NPTXR: variants seen among roughly 807,000 people sequenced by gnomAD.
NPTXR encodes neuronal pentraxin receptor.
In NPTXR, 12 loss-of-function variants were observed where a neutral mutation model predicts 32.2. The ratio of observed to expected loss-of-function variants is 0.37; its 90% CI spans 0.24 to 0.60. The LOEUF (loss-of-function observed/expected upper bound fraction) is 0.60, where lower values mean the gene tolerates loss of function less well. Among genes scored for constraint, NPTXR ranks in the 20% least tolerant of loss-of-function variants. The probability of loss-of-function intolerance (pLI) is 0.66; values close to 1 mark genes in which losing one functional copy is unlikely to be tolerated. For synonymous variants in NPTXR, 323 were observed against 315.8 expected (o/e 1.02, Z -0.24); for missense variants, 612 against 682.9 (o/e 0.90, Z 1.16).
In NPTXR at chr22:38,822,588, G is replaced by A. The variant is rs1420392256; in HGVS notation, c.*21C>T. On this transcript the variant is annotated 3_prime_UTR_variant, in exon 5 of 5. Transcript: ENST00000333039. ...TCCCCAAAGTGGCAGGCAAGGGAGGGGCCCTGGATGAGGTGGCCCCTCATG... is the reference window on the plus strand; with the variant it reads ...TCCCCAAAGTGGCAGGCAAGGGAGGAGCCCTGGATGAGGTGGCCCCTCATG... 1 of 1,578,954 alleles carries A rather than the reference G, an allele frequency of 6.3e-7. No homozygotes were observed. The highest frequency in any genetic ancestry group is 1.3e-5 in the African/African-American group (1 of 74,196).
At position 38,824,258 on chromosome 22, in the gene NPTXR, G is replaced by A. The variant is rs916582306; in HGVS notation, c.1099-996C>T. On this transcript the variant is annotated intron_variant, in intron 3 of 4. Transcript: ENST00000333039. ...TCCACCCACCTCAGCCTCTCAGAGT[G>A]CTGGGATTACAGGCAAGAGCCACCT... Among the ~76,000 whole-genome samples, 8 of 151,778 alleles carry A rather than the reference G, an allele frequency of 5.3e-5. No homozygotes were observed. In the East Asian group the frequency reaches 9.6e-4, roughly 18 times the overall value.
chr22:38,843,210 T>C lies in NPTXR; in HGVS notation c.624+25A>G. ...CGGCCCCTCACACCACCCGGGCGGC[T>C]CCCCCGACGGCGCGCGGCGCTCACC... On this transcript the variant is annotated intron_variant, in intron 1 of 4. Transcript: ENST00000333039. The surrounding 1 kb of genome is among the most constrained non-coding windows in gnomAD (Gnocchi z 5.3). 7.7e-7 allele frequency: 1 copy of C among 1,298,156 alleles called. No individual in the cohort carries two copies. The highest frequency in any genetic ancestry group is 9.7e-7 in the Non-Finnish European group (1 of 1,028,440). 80.4% of individuals were successfully genotyped at this position (1,298,156 alleles called of 1,614,324 possible). A position where few individuals can be genotyped will look rare whatever the true frequency, so the allele number is the denominator to read the frequency against.
At chr22:38,836,150 G>A (rs1180495769) in intron 1 of NPTXR, among the ~76,000 whole-genome samples, 2 of 152,088 alleles carry the variant, frequency 1.3e-5, no homozygotes, top group African/African-American at 4.8e-5. Context: ...TACCGAGTTT[G>A]GCGAGGTTTA....
rs1337018769 is a variant in NPTXR, at chr22:38,843,557, G to A, written c.302C>T (p.Ala101Val). 1 of 1,234,322 alleles carries A rather than the reference G, an allele frequency of 8.1e-7. No individual in the cohort carries two copies. Among genetic ancestry groups the A allele is most frequent in the South Asian group, 3.2e-5 (1 of 30,824 alleles). 76.5% of individuals were successfully genotyped at this position (1,234,322 alleles called of 1,614,324 possible). Residue 101 changes from alanine (A) to valine (V), a missense_variant, in exon 1 of 5, where the codon GCT becomes GTT. Physicochemically the swap from Ala to Val is moderately conservative, Grantham distance 64. Transcript: ENST00000333039. This position sits in a 1 kb window ranked among gnomAD's most constrained non-coding sequence, Gnocchi z 5.3. Reference sequence around the variant, plus strand: ...CTGCTGGGCCCCCGACGGGCAGGCAGCAGCCAGCGGCGTGCACAGGAAGCG... The same window carrying A: ...CTGCTGGGCCCCCGACGGGCAGGCAACAGCCAGCGGCGTGCACAGGAAGCG...
intron 1 of NPTXR, among the ~76,000 whole-genome samples, chr22:38,839,989 A>AT: frequency 6.6e-6 from 1 of 152,368 alleles, no homozygotes; most frequent in South Asian, 2.1e-4. Context: ...ACGCAATTGA[A>AT]TGCAGCATTT....
Position 38,843,309 on chromosome 22 carries a change from A to G in NPTXR, c.550T>C (p.Trp184Arg). Reference sequence around the variant, plus strand: ...TCCAGAATGAGCGCAGGCGAGTCCCAGGGCCCGTCGGCCATGGTGTCGCGG... The same window carrying G: ...TCCAGAATGAGCGCAGGCGAGTCCCGGGGCCCGTCGGCCATGGTGTCGCGG... The change falls in exon 1 of 5, where the codon TGG becomes CGG. Residue 184 changes from tryptophan to arginine, a missense_variant. Physicochemically the swap from Trp to Arg is moderately radical, Grantham distance 101. Transcript: ENST00000333039. This position sits in a 1 kb window ranked among gnomAD's most constrained non-coding sequence, Gnocchi z 5.3. The G allele has an allele frequency of 7.0e-7, 1 of 1,430,202 alleles. No individual in the cohort carries two copies. Among genetic ancestry groups the G allele is most frequent in the South Asian group, 1.4e-5 (1 of 71,456 alleles). The allele number at this position is 1,430,202 out of a possible 1,614,324, so 88.6% of individuals were successfully genotyped here. A position where few individuals can be genotyped will look rare whatever the true frequency, so the allele number is the denominator to read the frequency against.
intron 4 of NPTXR, 48 bp from the exon 5 acceptor site, chr22:38,822,881 C>A: frequency 6.4e-7 from 1 of 1,552,264 alleles, no homozygotes; most frequent in Non-Finnish European, 8.8e-7. Context: ...AGTGAGGGAG[C>A]AGAAAAGACA....
chr22:38,828,973 G>A (rs1011509252), intron 1 of NPTXR, among the ~76,000 whole-genome samples: 2 of 152,222 alleles, frequency 1.3e-5, no homozygotes, highest in Admixed American at 1.3e-4. Flanking sequence ...GCTCTGTATG[G>A]CCACTGGGCC....
rs2146189871 is a variant in NPTXR at position 38,822,589 on chromosome 22, G to A, written c.*20C>T. 6.3e-7 allele frequency: 1 copy of A among 1,580,224 alleles called. No individual in the cohort carries two copies. The stretch of plus-strand genomic sequence containing the variant: ...CCCCAAAGTGGCAGGCAAGGGAGGG[G>A]CCCTGGATGAGGTGGCCCCTCATGC... On this transcript the variant is annotated 3_prime_UTR_variant, in exon 5 of 5. Transcript: ENST00000333039.
chr22:38,833,149 G>A (rs1453682157), intron 1 of NPTXR, among the ~76,000 whole-genome samples: 1 of 152,176 alleles, frequency 6.6e-6, no homozygotes, highest in Non-Finnish European at 1.5e-5. Flanking sequence ...TGAGGGTCAG[G>A]GTCCCACCCT....
chr22:38,842,567 A>T (rs2093133107), intron 1 of NPTXR, among the ~76,000 whole-genome samples: 1 of 152,076 alleles, frequency 6.6e-6, no homozygotes, highest in Non-Finnish European at 1.5e-5. Context: ...GAGGAGGAGG[A>T]GCTCGGGGGG....
intron 1 of NPTXR, among the ~76,000 whole-genome samples, 160 bp from the exon 2 acceptor site, chr22:38,828,672 A>T (rs1220471753): frequency 6.6e-6 from 1 of 152,258 alleles, no homozygotes; most frequent in Non-Finnish European, 1.5e-5. Context: ...CAACAGATGC[A>T]TCCTGGGTCC....
rs2093094429 is a variant in NPTXR, at chr22:38,820,160, G to A, written c.*2449C>T. 6.6e-6 allele frequency: 1 copy of A among 152,628 alleles called. No individual in the cohort carries two copies. The highest frequency in any genetic ancestry group is 2.4e-5 in the African/African-American group (1 of 41,430). The allele number at this position is 152,628 out of a possible 1,614,324, so 9.5% of individuals were successfully genotyped here. On this transcript the variant is annotated 3_prime_UTR_variant, in exon 5 of 5. Coordinates refer to ENST00000333039, the MANE Select transcript of NPTXR (RefSeq NM_014293.4). Reference sequence around the variant, plus strand: ...GTCACCCCAGCAACAGTGCCAGTATGATGAGACACTTGACCCAGCACTTGG... The same window carrying A: ...GTCACCCCAGCAACAGTGCCAGTATAATGAGACACTTGACCCAGCACTTGG...
chr22:38,841,081 AAG>A (rs2093130957), intron 1 of NPTXR, among the ~76,000 whole-genome samples: 2 of 152,196 alleles, frequency 1.3e-5, no homozygotes, highest in Non-Finnish European at 2.9e-5. Flanking sequence ...ACTGAATGAG[AAG>A]AGAGGGGAGA....
chr22:38,843,686 C>T lies in NPTXR; in HGVS notation c.173G>A (p.Ser58Asn). The T allele has an allele frequency of 9.9e-7, 1 of 1,005,534 alleles. No homozygotes were observed. The highest frequency in any genetic ancestry group is 1.2e-6 in the Non-Finnish European group (1 of 845,262). 62.3% of individuals were successfully genotyped at this position (1,005,534 alleles called of 1,614,324 possible). ...GCCCGCGCCGTGCAGCGCGCTCAGG[C>T]TCCGCTGCGGGCCCGGGGACGCGGC... The change falls in exon 1 of 5, where the codon AGC (serine) becomes AAC (asparagine). Residue 58 changes from serine to asparagine, a missense_variant. Coordinates refer to ENST00000333039, the MANE Select transcript of NPTXR (RefSeq NM_014293.4). The surrounding 1 kb of genome is among the most constrained non-coding windows in gnomAD (Gnocchi z 5.3).
intron 1 of NPTXR, among the ~76,000 whole-genome samples, chr22:38,832,199 G>C (rs936265035): frequency 6.6e-6 from 1 of 152,296 alleles, no homozygotes; most frequent in African/African-American, 2.4e-5. Flanking sequence ...TCGCCGGATC[G>C]TGTGTGAGTC....
Position 38,843,558 on chromosome 22 carries a change from CAG to C in NPTXR, c.299_300del (p.Ala100GlyfsTer53). 1 of 1,234,256 alleles carries C rather than the reference CAG, an allele frequency of 8.1e-7. No individual in the cohort carries two copies. The highest frequency in any genetic ancestry group is 1.0e-6 in the Non-Finnish European group (1 of 989,780). The allele number at this position is 1,234,256 out of a possible 1,614,324, so 76.5% of individuals were successfully genotyped here. On this transcript the variant is annotated frameshift_variant, in exon 1 of 5. Transcript: ENST00000333039. LOFTEE classifies it high-confidence loss of function. The surrounding 1 kb of genome is among the most constrained non-coding windows in gnomAD (Gnocchi z 5.3). ...TGCTGGGCCCCCGACGGGCAGGCAG[CAG>C]CCAGCGGCGTGCACAGGAAGCGGCT...
intron 1 of NPTXR, among the ~76,000 whole-genome samples, chr22:38,841,717 C>A (rs184687171): frequency 1.4e-3 from 220 of 152,336 alleles, no homozygotes; most frequent in Non-Finnish European, 1.5e-3. Flanking sequence ...AGGCACTATT[C>A]TTGGCCTTTC....
At chr22:38,829,208 A>G (rs1458152546) in intron 1 of NPTXR, among the ~76,000 whole-genome samples, 1 of 152,230 alleles carries the variant, frequency 6.6e-6, no homozygotes, top group Non-Finnish European at 1.5e-5. Flanking sequence ...GGGAGGACTA[A>G]GGATTAAATA....
Sources: gnomAD v4.1 joint callset for allele counts (sites outside exome capture counted in the v4.1 genomes callset) on GRCh38, gnomAD v4.1.1 for gene constraint, Gnocchi (gnomAD v3.1) non-coding constraint, MANE v1.5 for transcripts, NCBI Gene and HGNC (gene_info 2026-07-23, HGNC 2026-07-21) for gene names.